Variants in ARHGEF10L observed in about 807,000 individuals in gnomAD.
ARHGEF10L encodes the protein Rho guanine nucleotide exchange factor 10 like.
In ARHGEF10L, 69 loss-of-function variants were observed where a neutral mutation model predicts 141.2. The ratio of observed to expected loss-of-function variants is 0.49; its 90% CI spans 0.40 to 0.60. The LOEUF (loss-of-function observed/expected upper bound fraction) is 0.60. ARHGEF10L is among the 20% of genes least tolerant of loss of function. The pLI is 0.00. For missense variants in ARHGEF10L, 1,482 were observed against 1,734.3 expected (o/e 0.85, Z 2.58); for synonymous variants, 711 against 718.5 (o/e 0.99, Z 0.17).
chr1:17,632,088 G>A (rs1022703222), intron 15 of ARHGEF10L, among the ~76,000 whole-genome samples: 3 of 152,190 alleles, frequency 2.0e-5, no homozygotes, highest in African/African-American at 7.2e-5. Flanking sequence ...CCACACGGGT[G>A]CTGGTGAATG....
chr1:17,606,122 C>T (rs1000983053), intron 6 of ARHGEF10L, among the ~76,000 whole-genome samples: 7 of 152,166 alleles, frequency 4.6e-5, no homozygotes, highest in African/African-American at 7.2e-5. Flanking sequence ...GCCTACTGCT[C>T]TCAGCCGAGT....
At chr1:17,636,191 G>A (rs557249837) in intron 18 of ARHGEF10L, among the ~76,000 whole-genome samples, 2 of 152,302 alleles carry the variant, frequency 1.3e-5, no homozygotes, top group South Asian at 2.1e-4. Context: ...CTCCAGGGAC[G>A]CTTAGGGGAT....
Position 17,697,062 on chromosome 1 carries a change from G to A in ARHGEF10L, c.3522G>A (p.Gln1174=). 1 of 1,604,542 alleles carries A rather than the reference G, an allele frequency of 6.2e-7. No individual in the cohort carries two copies. The highest frequency in any genetic ancestry group is 2.2e-5 in the East Asian group (1 of 44,570). Residue 1174 remains glutamine (Q), a synonymous_variant, in exon 29 of 29, where the codon CAG becomes CAA. Coordinates refer to ENST00000361221, the MANE Select transcript of ARHGEF10L (RefSeq NM_018125.4). This position sits in a 1 kb window ranked among gnomAD's most constrained non-coding sequence, Gnocchi z 4.8. ...ELTRKKGILL[Q]YRLRSTAHLP... ...CCCGCAAGAAGGGCATCCTCTTGCA[G>A]TACCGCCTGCGCTCCACCGCACACC... is the stretch of plus-strand genomic sequence containing the variant.
chr1:17,684,883 C>G (rs1028546073), intron 26 of ARHGEF10L, among the ~76,000 whole-genome samples: 22 of 152,154 alleles, frequency 1.4e-4, no homozygotes, highest in Non-Finnish European at 2.8e-4. Context: ...ACCCCTGCCT[C>G]CCTTGCTACT....
At chr1:17,650,785 G>C (rs1452796997) in intron 22 of ARHGEF10L, among the ~76,000 whole-genome samples, 1 of 151,038 alleles carries the variant, frequency 6.6e-6, no homozygotes, top group African/African-American at 2.4e-5. Flanking sequence ...TCAGAGCTCA[G>C]CTCAGGGTCC....
chr1:17,658,902 G>C (rs1348004944), intron 25 of ARHGEF10L, among the ~76,000 whole-genome samples: 2 of 152,184 alleles, frequency 1.3e-5, no homozygotes, highest in Non-Finnish European at 2.9e-5. Context: ...TGGAGAGTTG[G>C]GGGAATGGTG....
At position 17,576,408 on chromosome 1, in the gene ARHGEF10L, G is replaced by A. The variant is rs549364023; in HGVS notation, c.-43-4145G>A. On this transcript the variant is annotated intron_variant, in intron 1 of 28. Coordinates refer to ENST00000361221, the MANE Select transcript of ARHGEF10L (RefSeq NM_018125.4). ...CCCGTCGCTGAGCCTAACCTGCTCC[G>A]GGCCTCTGGTGGGCACACCCCATAG... Among the ~76,000 whole-genome samples the A allele has an allele frequency of 1.2e-4, 19 of 152,228 alleles. No homozygotes were observed. The South Asian group carries it at 3.5e-3, about 28-fold the overall frequency.
At position 17,627,261 on chromosome 1, in the gene ARHGEF10L, A is replaced by G. The variant is rs1051413212; in HGVS notation, c.1411-69A>G. On this transcript the variant is annotated intron_variant, in intron 14 of 28. Coordinates refer to ENST00000361221, the MANE Select transcript of ARHGEF10L (RefSeq NM_018125.4). The surrounding 1 kb of genome is among the most constrained non-coding windows in gnomAD (Gnocchi z 4.0). ...TGTGTGTAGGGGGTTGCGCAGGGTG[A>G]GGCTTTGCCCCAGGCTGGGGTAGAG... 18 of 1,568,048 alleles carry G rather than the reference A, an allele frequency of 1.1e-5. No homozygotes were observed. The highest frequency in any genetic ancestry group is 1.4e-5 in the Non-Finnish European group (16 of 1,150,900).
intron 26 of ARHGEF10L, among the ~76,000 whole-genome samples, chr1:17,677,315 G>A (rs2063785386): frequency 6.6e-6 from 1 of 151,980 alleles, no homozygotes; most frequent in African/African-American, 2.4e-5. Context: ...TGCACGCACA[G>A]GCGTTCTTTC....
At chr1:17,648,703 A>G in intron 22 of ARHGEF10L, 28 bp downstream of exon 22, 1 of 1,601,928 alleles carries the variant, frequency 6.2e-7, no homozygotes, top group Non-Finnish European at 8.5e-7. Flanking sequence ...TGCTGAGCCG[A>G]CCTCGAAGGT....
intron 1 of ARHGEF10L, among the ~76,000 whole-genome samples, chr1:17,542,887 A>G (rs1268674924): frequency 6.6e-6 from 1 of 152,184 alleles, no homozygotes; most frequent in Non-Finnish European, 1.5e-5. Context: ...TCTTCTGCAC[A>G]ACTGTCTCCA....
Position 17,697,139 on chromosome 1 carries a change from C to T in ARHGEF10L, c.3599C>T (p.Ala1200Val). The change falls in exon 29 of 29, where the codon GCT (alanine) becomes GTT (valine). Residue 1200 changes from alanine to valine, a missense_variant. Physicochemically the swap from Ala to Val is moderately conservative, Grantham distance 64. This residue lies in a region of ARHGEF10L where 858 missense variants were observed against 966.3 expected (regional missense o/e 0.89). Coordinates refer to ENST00000361221, the MANE Select transcript of ARHGEF10L (RefSeq NM_018125.4). This position sits in a 1 kb window ranked among gnomAD's most constrained non-coding sequence, Gnocchi z 4.8. ...GAGCCGGCGCCTGCTGATGGCGCAGCTTTGGAGCACAGCGAGGAGGACGGC... is the reference window on the plus strand; with the variant it reads ...GAGCCGGCGCCTGCTGATGGCGCAGTTTTGGAGCACAGCGAGGAGGACGGC... ...MREPAPADGAALEHSEEDGSI... is the reference protein window; with the variant it reads ...MREPAPADGAVLEHSEEDGSI... The T allele has an allele frequency of 6.2e-7, 1 of 1,611,590 alleles. No homozygotes were observed. Among genetic ancestry groups the T allele is most frequent in the Non-Finnish European group, 8.5e-7 (1 of 1,179,284 alleles).
chr1:17,590,364 G>A (rs184812088), intron 4 of ARHGEF10L, among the ~76,000 whole-genome samples: 59 of 152,196 alleles, frequency 3.9e-4, no homozygotes, highest in African/African-American at 1.4e-3. Context: ...GGTCCCTCCC[G>A]GGGAGGCTTG....
intron 1 of ARHGEF10L, among the ~76,000 whole-genome samples, chr1:17,572,484 G>A (rs1274285469): frequency 2.6e-5 from 4 of 152,110 alleles, no homozygotes; most frequent in Non-Finnish European, 5.9e-5. Context: ...CTGAACTGGA[G>A]AGAGCCTCAC....
chr1:17,654,116 G>A lies in ARHGEF10L; in HGVS notation c.2395-520G>A, dbSNP rs915204859. Among the ~76,000 whole-genome samples, 26 of 152,224 alleles carry A rather than the reference G, an allele frequency of 1.7e-4. No individual in the cohort carries two copies. The highest frequency in any genetic ancestry group is 6.3e-4 in the African/African-American group (26 of 41,460). On this transcript the variant is annotated intron_variant, in intron 22 of 28. Coordinates refer to ENST00000361221, the MANE Select transcript of ARHGEF10L (RefSeq NM_018125.4). The surrounding 1 kb of genome is among the most constrained non-coding windows in gnomAD (Gnocchi z 4.3). ...AGAGGGACTGACCAGGTCTAGCTCAGGAGACAGGCCTCAGAGAGAGGCCAC... is the reference window on the plus strand; with the variant it reads ...AGAGGGACTGACCAGGTCTAGCTCAAGAGACAGGCCTCAGAGAGAGGCCAC...
the ARHGEF10L span, among the ~76,000 whole-genome samples, chr1:17,525,064 AACAGGGAGCTCTCCGGACCACACTGTG>A: frequency 6.6e-6 from 1 of 152,088 alleles, no homozygotes; most frequent in Non-Finnish European, 1.5e-5. Context: ...GAACCAAGAA[AACAGGGAGCTCTCCGGACCACACTGTG>A]ACCTGCTCTG....
At chr1:17,592,788 G>A (rs1404638398) in intron 4 of ARHGEF10L, among the ~76,000 whole-genome samples, 2 of 151,524 alleles carry the variant, frequency 1.3e-5, no homozygotes, top group Non-Finnish European at 2.9e-5. Flanking sequence ...TCCCAAATCC[G>A]GAACATTTGA....
intron 1 of ARHGEF10L, among the ~76,000 whole-genome samples, chr1:17,553,261 C>T (rs1415447272): frequency 6.6e-6 from 1 of 152,194 alleles, no homozygotes; most frequent in African/African-American, 2.4e-5. Context: ...TTCACTTTGC[C>T]CCCTGCCTTT....
In ARHGEF10L at chr1:17,681,816, C is replaced by T. The variant is rs140501082; in HGVS notation, c.3010-5757C>T. ...GAGACTGTGTGAATATCCAGTTCCT[C>T]CACAAACTTTCCCCCTGGGGCTTTG... On this transcript the variant is annotated intron_variant, in intron 26 of 28. Transcript: ENST00000361221. Among the ~76,000 whole-genome samples the T allele has an allele frequency of 5.2e-3, 790 of 152,298 alleles. 6 individuals are homozygous for T. The highest frequency in any genetic ancestry group is 8.2e-3 in the Non-Finnish European group (559 of 68,024).
Sources: allele counts gnomAD v4.1 joint callset (sites outside exome capture counted in the v4.1 genomes callset), GRCh38; gene constraint gnomAD v4.1.1; regional missense constraint gnomAD v4.1.1; non-coding constraint Gnocchi (gnomAD v3.1); transcripts MANE v1.5; gene names NCBI Gene and HGNC (gene_info 2026-07-23, HGNC 2026-07-21).